Variants in XRN2 observed in about 807,000 individuals in gnomAD.
The protein encoded by XRN2 is 5'-3' exoribonuclease 2.
In XRN2, 44 loss-of-function variants were observed where a neutral mutation model predicts 138.5. The observed-to-expected ratio is 0.32, with a 90% confidence interval of 0.25 to 0.41. The LOEUF is 0.41. Ranked by LOEUF, XRN2 falls within the 10% of genes least tolerant of loss-of-function variation. The pLI is 1.00. For missense variants in XRN2, 937 were observed against 1,169.3 expected (o/e 0.80, Z 2.90); for synonymous variants, 354 against 369.4 (o/e 0.96, Z 0.48).
At chr20:21,384,686 T>C (rs934658059) in intron 28 of XRN2, among the ~76,000 whole-genome samples, 1 of 151,836 alleles carries the variant, frequency 6.6e-6, no homozygotes, top group Non-Finnish European at 1.5e-5. Flanking sequence ...AGAGACGGGG[T>C]TTTCCCATGT....
At chr20:21,332,167 T>C (rs1159318861) in intron 8 of XRN2, 116 bp from the exon 9 acceptor site, 12 of 1,281,824 alleles carry the variant, frequency 9.4e-6, no homozygotes, top group Non-Finnish European at 1.3e-5. Flanking sequence ...GGGGCTTTGC[T>C]GCTCATTTGG....
intron 27 of XRN2, among the ~76,000 whole-genome samples, chr20:21,377,454 G>A (rs1029647772): frequency 4.6e-5 from 7 of 151,164 alleles, no homozygotes; most frequent in Non-Finnish European, 8.8e-5. Context: ...TCAGGGTTTT[G>A]CCATATTGGC....
At chr20:21,338,896 T>C (rs150461725) in intron 13 of XRN2, 148 bp from the exon 14 acceptor site, 71 of 664,822 alleles carry the variant, frequency 1.1e-4, no homozygotes, top group Non-Finnish European at 1.5e-4. Context: ...TTTGAACATA[T>C]AGTCTTATTG....
At chr20:21,363,353 AAC>A (rs1192953329) in intron 24 of XRN2, among the ~76,000 whole-genome samples, 2 of 152,130 alleles carry the variant, frequency 1.3e-5, no homozygotes, top group African/African-American at 4.8e-5. Flanking sequence ...GCCCTGCTGA[AAC>A]ACAGATACCT....
Position 21,332,265 on chromosome 20 carries a change from C to T in XRN2, c.701-18C>T. ...AGAATACTCACTGTTCGATGTTTTT[C>T]TCATTGTTGATTGATAGCTGATCTC... is the stretch of plus-strand genomic sequence containing the variant. On this transcript the variant is annotated intron_variant, in intron 8 of 29. Transcript: ENST00000377191. 6.2e-7 allele frequency: 1 copy of T among 1,602,936 alleles called. No individual in the cohort carries two copies. The highest frequency in any genetic ancestry group is 8.5e-7 in the Non-Finnish European group (1 of 1,175,480).
chr20:21,334,048 A>T (rs372357092), intron 12 of XRN2, 30 bp from the exon 13 acceptor site: 9 of 1,613,864 alleles, frequency 5.6e-6, no homozygotes, highest in Non-Finnish European at 7.6e-6. Context: ...TTATAAGAAG[A>T]TCATTTTACA....
intron 28 of XRN2, among the ~76,000 whole-genome samples, chr20:21,385,483 A>G (rs1243303961): frequency 6.6e-6 from 1 of 152,194 alleles, no homozygotes. Context: ...AGCCATATGC[A>G]TTTTCTTTCT....
chr20:21,379,523 C>T (rs1023988007), intron 27 of XRN2, among the ~76,000 whole-genome samples: 3 of 151,878 alleles, frequency 2.0e-5, no homozygotes, highest in African/African-American at 7.3e-5. Flanking sequence ...GGAAAATTTG[C>T]TTAGGTTTTA....
intron 3 of XRN2, among the ~76,000 whole-genome samples, chr20:21,327,849 TCA>T (rs2038148719): frequency 6.6e-6 from 1 of 152,202 alleles, no homozygotes; most frequent in Admixed American, 6.5e-5. Flanking sequence ...ACAGGATATT[TCA>T]CAGTTTCTTC....
At chr20:21,311,230 C>G (rs2037877131) in intron 1 of XRN2, among the ~76,000 whole-genome samples, 1 of 152,202 alleles carries the variant, frequency 6.6e-6, no homozygotes, top group South Asian at 2.1e-4. Context: ...TCATCCCAAA[C>G]AGAAACGCTA....
At position 21,346,652 on chromosome 20, in the gene XRN2, C is replaced by T. The variant is rs905717872; in HGVS notation, c.1665+102C>T. The T allele has an allele frequency of 1.8e-5, 26 of 1,434,694 alleles. No homozygotes were observed. The African/African-American group carries it at 3.7e-4, about 21-fold the overall frequency. 88.9% of individuals were successfully genotyped at this position (1,434,694 alleles called of 1,614,324 possible). A position where few individuals can be genotyped will look rare whatever the true frequency, so the allele number is the denominator to read the frequency against. On this transcript the variant is annotated intron_variant, in intron 17 of 29. Coordinates refer to ENST00000377191, the MANE Select transcript of XRN2 (RefSeq NM_012255.5). ...TTTTTGTTTTTGAGACGGAGTCTTG[C>T]CCTGTCACCTGGGCGGGAGGGCAAT...
Position 21,344,098 on chromosome 20 carries a change from G to C in XRN2, c.1419G>C (p.Ser473=). ...EMRMQNNSSP[S]ISPNTSFTSD... The stretch of plus-strand genomic sequence containing the variant: ...GTCATCATTGTCTGCAGAGTCCTTC[G>C]ATATCTCCTAATACGAGTTTCACAT... The change falls in exon 16 of 30, where the codon TCG becomes TCC. Residue 473 remains serine (S), a synonymous_variant. Transcript: ENST00000377191. 1.2e-6 allele frequency: 2 copies of C among 1,608,664 alleles called. No individual in the cohort carries two copies. Among genetic ancestry groups the C allele is most frequent in the Non-Finnish European group, 1.7e-6 (2 of 1,175,880 alleles).
At chr20:21,371,053 T>C (rs997804260) in intron 27 of XRN2, among the ~76,000 whole-genome samples, 1 of 152,174 alleles carries the variant, frequency 6.6e-6, no homozygotes, top group African/African-American at 2.4e-5. Flanking sequence ...TTCATAAAAA[T>C]TTGATTTCCA....
chr20:21,331,474 A>G, intron 6 of XRN2, 87 bp from the exon 7 acceptor site: 1 of 1,109,082 alleles, frequency 9.0e-7, no homozygotes, highest in Non-Finnish European at 1.3e-6. Flanking sequence ...CACTTATCTC[A>G]GTTTTTCTTG....
chr20:21,328,127 C>G (rs975348313), intron 3 of XRN2, among the ~76,000 whole-genome samples: 2 of 152,064 alleles, frequency 1.3e-5, no homozygotes, highest in African/African-American at 2.4e-5. Flanking sequence ...ATTTGGACAC[C>G]ATTCTTCCTT....
intron 27 of XRN2, among the ~76,000 whole-genome samples, chr20:21,376,845 A>G (rs1258938107): frequency 6.6e-6 from 1 of 152,224 alleles, no homozygotes; most frequent in African/African-American, 2.4e-5. Context: ...GTGGGGGTCA[A>G]AGTGCCTGAA....
chr20:21,386,295 A>T (rs2038935504), intron 28 of XRN2, among the ~76,000 whole-genome samples: 2 of 152,244 alleles, frequency 1.3e-5, no homozygotes. Context: ...GGTCAATTGA[A>T]AGCTGCATCA....
chr20:21,343,010 A>G (rs1230455513), intron 15 of XRN2, among the ~76,000 whole-genome samples: 1 of 152,136 alleles, frequency 6.6e-6, no homozygotes, highest in Non-Finnish European at 1.5e-5. Context: ...ATGTGCTCTA[A>G]GTTCTATGTG....
intron 27 of XRN2, among the ~76,000 whole-genome samples, chr20:21,372,878 TTTTTG>T (rs2038778624): frequency 6.6e-6 from 1 of 152,118 alleles, no homozygotes; most frequent in Admixed American, 6.5e-5. Flanking sequence ...ATACATTACC[TTTTTG>T]TTTTTTTAAC....
Sources: allele counts gnomAD v4.1 joint callset (sites outside exome capture counted in the v4.1 genomes callset), GRCh38; gene constraint gnomAD v4.1.1; transcripts MANE v1.5; gene names NCBI Gene and HGNC (gene_info 2026-07-23, HGNC 2026-07-21).